MUC4: variants seen among roughly 807,000 people sequenced by gnomAD.
MUC4 encodes mucin-4.
Under a neutral mutation model 257.9 loss-of-function variants are expected in MUC4, and 202 were observed. The ratio of observed to expected loss-of-function variants is 0.78; its 90% CI spans 0.70 to 0.88. The LOEUF is 0.88. Among genes scored for constraint, MUC4 ranks in the 40% least tolerant of loss-of-function variants. The pLI, the probability that MUC4 is intolerant of heterozygous loss-of-function variation, is 0.00. For synonymous variants in MUC4, 2,351 were observed against 2,757.1 expected (o/e 0.85, Z 4.62); for missense variants, 5,976 against 6,513.7 (o/e 0.92, Z 2.84).
chr3:195,753,537 C>T, intron 19 of MUC4: 1 of 477,368 alleles, frequency 2.1e-6, no homozygotes, highest in Non-Finnish European at 3.7e-6. Flanking sequence ...ACGCCCTCCC[C>T]TCTCACGTCC....
intron 7 of MUC4, among the ~76,000 whole-genome samples, chr3:195,767,735 A>ATCACTG (rs1560264288): frequency 6.0e-5 from 1 of 16,554 alleles, no homozygotes; most frequent in Non-Finnish European, 1.1e-4. Flanking sequence ...CATCACCACC[A>ATCACTG]CCATCACCAT....
intron 7 of MUC4, among the ~76,000 whole-genome samples, chr3:195,767,746 C>CACCACCATCACT (rs1560264483): frequency 4.8e-5 from 2 of 41,884 alleles, no homozygotes; most frequent in African/African-American, 2.7e-4. Context: ...CCATCACCAT[C>CACCACCATCACT]GCCACCACCA....
chr3:195,778,253 T>G (rs1178631119), intron 3 of MUC4, 50 bp downstream of exon 3: 6 of 1,530,798 alleles, frequency 3.9e-6, no homozygotes, highest in Non-Finnish European at 5.3e-6. Context: ...GAGGGAGCCT[T>G]CAGTTACATC....
chr3:195,804,076 T>A (rs1735680270), intron 1 of MUC4, among the ~76,000 whole-genome samples: 1 of 152,022 alleles, frequency 6.6e-6, no homozygotes, highest in African/African-American at 2.4e-5. Flanking sequence ...AAACGGATAG[T>A]TTTTAAGACA....
rs144327244 is a variant in MUC4, at chr3:195,760,952, C to T, written c.14780G>A (p.Arg4927His). Reference sequence around the variant, plus strand: ...CGTGTGAAGTCCGATGCTTGCGTTGCGCAGGGCCAGGGTGTCATAGATGCA... The same window carrying T: ...CGTGTGAAGTCCGATGCTTGCGTTGTGCAGGGCCAGGGTGTCATAGATGCA... ...SSCIYDTLAL[R>H]NASIGLHTRE... Residue 4927 changes from arginine to histidine, a missense_variant, in exon 16 of 25, where the codon CGC becomes CAC. Arg to His is a conservative substitution (Grantham distance 29, BLOSUM62 0). Around this residue, in one of 44 missense-constraint regions of MUC4, gnomAD observed 996 missense variants for 1,137.3 expected, o/e 0.88. Transcript: ENST00000463781. 83 of 1,614,200 alleles carry T rather than the reference C, an allele frequency of 5.1e-5. No homozygotes were observed. The African/African-American group carries it at 7.3e-4, about 14-fold the overall frequency.
chr3:195,788,474 C>A lies in MUC4; in HGVS notation c.3106G>T (p.Gly1036Cys). 1 of 1,544,498 alleles carries A rather than the reference C, an allele frequency of 6.5e-7. No homozygotes were observed. Among genetic ancestry groups the A allele is most frequent in the Non-Finnish European group, 8.7e-7 (1 of 1,143,570 alleles). Residue 1036 changes from glycine to cysteine, a missense_variant, in exon 2 of 25, where the codon GGT (glycine) becomes TGT (cysteine). This residue lies in a region of MUC4 where 1,583 missense variants were observed against 1,257.4 expected (regional missense o/e 1.26). Transcript: ENST00000463781. ...GTGACAGGAAGAGGGGTGACGTGAC[C>A]TGTGGATTCTGAGGAAGTGTCGGTG... ...PVTDTSSEST[G>C]HVTPLPVTSF...
At chr3:195,754,893 C>A in intron 18 of MUC4, among the ~76,000 whole-genome samples, 1 of 25,446 alleles carries the variant, frequency 3.9e-5, no homozygotes, top group Non-Finnish European at 1.2e-4. Flanking sequence ...ATGTATGTAT[C>A]CATGTATGTA....
Position 195,757,323 on chromosome 3 carries a change from C to T in MUC4, c.14992G>A (p.Gly4998Arg). Residue 4998 changes from glycine to arginine, a missense_variant, in exon 18 of 25, where the codon GGG becomes AGG. Physicochemically the swap from Gly to Arg is moderately radical, Grantham distance 125. This residue lies in a region of MUC4 where 996 missense variants were observed against 1,137.3 expected (regional missense o/e 0.88). Coordinates refer to ENST00000463781, the MANE Select transcript of MUC4 (RefSeq NM_018406.7). The surrounding 1 kb of genome is among the most constrained non-coding windows in gnomAD (Gnocchi z 4.8). ...SCTDLELFEN[G>R]TLLWTPKSLE... ...GACTTGGGTGTCCACAGCAACGTCC[C>T]ATTCTCTGCCCCGGGGAAGATGAGA... 6.3e-7 allele frequency: 1 copy of T among 1,593,766 alleles called. No individual in the cohort carries two copies.
intron 3 of MUC4, 92 bp downstream of exon 3, chr3:195,778,211 C>G (rs1402090064): frequency 6.9e-7 from 1 of 1,448,242 alleles, no homozygotes; most frequent in African/African-American, 1.5e-5. Flanking sequence ...CCTCCCCACC[C>G]GAGAGAGCGG....
intron 1 of MUC4, among the ~76,000 whole-genome samples, chr3:195,797,266 T>TTAAA (rs58592665): frequency 5.9e-4 from 88 of 149,704 alleles, no homozygotes; most frequent in Non-Finnish European, 7.6e-4. Context: ...GGACTCTATC[T>TTAAA]TAAATAAATA....
In MUC4 at chr3:195,782,139, T is replaced by A. The variant is rs74870142; in HGVS notation, c.9441A>T (p.Thr3147=). The change falls in exon 2 of 25, where the codon ACA becomes ACT. Residue 3147 remains threonine (T), a synonymous_variant. Transcript: ENST00000463781. ...TGACAGGAAGAGGGGTGGTGTCACC[T>A]GTGGATGCTGAGGAAGTGCTGGTGA... The part of the protein sequence containing the change: ...LPVTSTSSAS[T]GDTTPLPVTD... The A allele has an allele frequency of 7.4e-7, 1 of 1,353,888 alleles. No individual in the cohort carries two copies. Among genetic ancestry groups the A allele is most frequent in the South Asian group, 1.5e-5 (1 of 67,356 alleles). The allele number at this position is 1,353,888 out of a possible 1,614,324, so 83.9% of individuals were successfully genotyped here.
intron 6 of MUC4, 35 bp from the exon 7 acceptor site, chr3:195,769,187 G>A (rs754341129): frequency 5.2e-5 from 83 of 1,611,302 alleles, no homozygotes; most frequent in South Asian, 1.4e-4. Context: ...AGGGATGCCC[G>A]TGAGAGATCC....
intron 4 of MUC4, among the ~76,000 whole-genome samples, chr3:195,772,288 T>C (rs1242764458): frequency 2.7e-5 from 4 of 146,838 alleles, no homozygotes; most frequent in Admixed American, 6.7e-5. Flanking sequence ...AGACACCCCA[T>C]CTCCATCACT....
chr3:195,763,245 C>A (rs533398015), intron 12 of MUC4, among the ~76,000 whole-genome samples, 188 bp downstream of exon 12: 1 of 152,256 alleles, frequency 6.6e-6, no homozygotes, highest in African/African-American at 2.4e-5. Flanking sequence ...GCTGGGAAAC[C>A]GTGGGGCCAG....
chr3:195,762,660 A>G (rs375006994), intron 13 of MUC4, among the ~76,000 whole-genome samples, 195 bp downstream of exon 13: 598 of 25,578 alleles, frequency 0.023, 98 homozygotes, highest in East Asian at 0.18. Context: ...ACCGCCACGC[A>G]CCGGGCCCTG....
At position 195,753,129 on chromosome 3, in the gene MUC4, T is replaced by C; in HGVS notation, c.15430A>G (p.Met5144Val). ...YISQTLGCQPMCTCPPAFTDS... is the reference protein window; with the variant it reads ...YISQTLGCQPVCTCPPAFTDS... ...GTGAAGGCTGGGGGGCAGGTGCACA[T>C]GGGCTGACAGCCCAGAGTCTGGGAG... The change falls in exon 20 of 25, where the codon ATG (methionine) becomes GTG (valine). Residue 5144 changes from methionine (M) to valine (V), a missense_variant. By Grantham distance (21) the Met-to-Val change is conservative. Around this residue, in one of 44 missense-constraint regions of MUC4, gnomAD observed 996 missense variants for 1,137.3 expected, o/e 0.88. Coordinates refer to ENST00000463781, the MANE Select transcript of MUC4 (RefSeq NM_018406.7). The C allele has an allele frequency of 6.2e-7, 1 of 1,613,056 alleles. No individual in the cohort carries two copies. Among genetic ancestry groups the C allele is most frequent in the Non-Finnish European group, 8.5e-7 (1 of 1,179,670 alleles).
rs1292354781 is a variant in MUC4 at position 195,789,974 on chromosome 3, C to T, written c.1606G>A (p.Val536Ile). 3 of 1,613,902 alleles carry T rather than the reference C, an allele frequency of 1.9e-6. No individual in the cohort carries two copies. Among genetic ancestry groups the T allele is most frequent in the Non-Finnish European group, 2.5e-6 (3 of 1,179,870 alleles). ...TCTCCTGGTTCCCCTATTGCTGAGA[C>T]CTTAGAGGGGACCCTTGGAATAGTG... ...AGTIPRVPSKVSAIGEPGEPT... is the reference protein window; with the variant it reads ...AGTIPRVPSKISAIGEPGEPT... The change falls in exon 2 of 25, where the codon GTC (valine) becomes ATC (isoleucine). Residue 536 changes from valine to isoleucine, a missense_variant. This residue lies in a region of MUC4 where 1,583 missense variants were observed against 1,257.4 expected (regional missense o/e 1.26). Transcript: ENST00000463781.
intron 1 of MUC4, among the ~76,000 whole-genome samples, chr3:195,797,525 G>A (rs957620444): frequency 3.3e-5 from 5 of 152,040 alleles, no homozygotes; most frequent in Admixed American, 2.0e-4. Context: ...TTATAACCCC[G>A]TGTAAACATT....
chr3:195,774,901 CAAAAAAA>C (rs10666795), intron 3 of MUC4, among the ~76,000 whole-genome samples: 1,471 of 118,536 alleles, frequency 0.012, 23 homozygotes, highest in Non-Finnish European at 0.019. Flanking sequence ...AACTCCATCT[CAAAAAAA>C]AAAAAAAAAA....
Sources: allele counts gnomAD v4.1 joint callset (sites outside exome capture counted in the v4.1 genomes callset), GRCh38; gene constraint gnomAD v4.1.1; regional missense constraint gnomAD v4.1.1; non-coding constraint Gnocchi (gnomAD v3.1); transcripts MANE v1.5; gene names NCBI Gene and HGNC (gene_info 2026-07-23, HGNC 2026-07-21).